The following EIF2A variants were observed in gnomAD, a reference collection of about 807,000 sequenced individuals.
EIF2A encodes the protein 65 kDa eukaryotic translation initiation factor 2A.
EIF2A carries 62 observed loss-of-function variants against 75.2 expected under a neutral mutation model. The observed-to-expected ratio is 0.82, with a 90% CI of 0.67 to 1.02. The LOEUF (loss-of-function observed/expected upper bound fraction) is 1.02. Ranked by LOEUF, EIF2A falls within the 50% of genes least tolerant of loss-of-function variation. The probability of loss-of-function intolerance (pLI) is 0.00; values close to 1 mark genes in which losing one functional copy is unlikely to be tolerated. For missense variants in EIF2A, 611 were observed against 677.7 expected, an observed-to-expected ratio of 0.90 and a Z score of 1.09; for synonymous variants, 207 against 239.0, an observed-to-expected ratio of 0.87 and a Z score of 1.23.
At chr3:150,564,273 A>C in intron 5 of EIF2A, 26 bp from the exon 6 acceptor site, 4 of 1,376,574 alleles carry the variant, frequency 2.9e-6, no homozygotes, top group Non-Finnish European at 4.0e-6. Flanking sequence ...TATTTTTTAT[A>C]CTTTTTTTTT....
At chr3:150,547,073 C>T (rs1009979793) in intron 1 of EIF2A, 40 of 571,262 alleles carry the variant, frequency 7.0e-5, no homozygotes, top group Admixed American at 1.2e-4. Context: ...GATTCATCTT[C>T]TACAGAAATA....
intron 6 of EIF2A, chr3:150,567,279 C>T (rs937767498): frequency 6.4e-6 from 1 of 155,742 alleles, no homozygotes; most frequent in Non-Finnish European, 1.4e-5. Flanking sequence ...CATTAAGTTA[C>T]AGAATTTCCA....
chr3:150,558,315 G>A (rs2107914659), intron 2 of EIF2A, 73 bp from the exon 3 acceptor site: 1 of 1,290,500 alleles, frequency 7.7e-7, no homozygotes, highest in Non-Finnish European at 1.0e-6. Context: ...TGAAATGGTT[G>A]ACTTTATAAT....
chr3:150,572,749 G>A (rs574224207), intron 10 of EIF2A, among the ~76,000 whole-genome samples: 30 of 151,968 alleles, frequency 2.0e-4, no homozygotes, highest in African/African-American at 7.0e-4. Flanking sequence ...CCGGCTACTC[G>A]GGAAGCTGAG....
At chr3:150,575,587 T>C (rs1428223646) in intron 10 of EIF2A, 62 bp from the exon 11 acceptor site, 17 of 1,200,510 alleles carry the variant, frequency 1.4e-5, no homozygotes, top group Non-Finnish European at 2.0e-5. Flanking sequence ...AAGTGTATAA[T>C]TTGTTGTTGT....
intron 2 of EIF2A, among the ~76,000 whole-genome samples, chr3:150,553,774 A>G (rs544960274): frequency 1.3e-5 from 2 of 152,300 alleles, no homozygotes; most frequent in South Asian, 4.1e-4. Context: ...GATAGAGTAA[A>G]TTAATTGTAT....
intron 10 of EIF2A, among the ~76,000 whole-genome samples, chr3:150,574,189 C>T (rs1267206611): frequency 1.3e-5 from 2 of 152,120 alleles, no homozygotes; most frequent in Admixed American, 6.5e-5. Flanking sequence ...TCATCAAAAA[C>T]AGTCCCATAA....
At position 150,570,551 on chromosome 3, in the gene EIF2A, A is replaced by G. The variant is rs541138568; in HGVS notation, c.812-1407A>G. 2.0e-4 allele frequency among the ~76,000 whole-genome samples: 30 copies of G among 151,836 alleles called. No individual in the cohort carries two copies. The East Asian group carries it at 5.4e-3, about 27-fold the overall frequency. On this transcript the variant is annotated intron_variant, in intron 9 of 13. Coordinates refer to ENST00000460851, the MANE Select transcript of EIF2A (RefSeq NM_032025.5). ...GCTGTACTGCAGTCTTGGTGACAAAATGAGACCATCTCTTTAAAAAAAAAA... is the reference window on the plus strand; with the variant it reads ...GCTGTACTGCAGTCTTGGTGACAAAGTGAGACCATCTCTTTAAAAAAAAAA...
chr3:150,562,419 C>CAAAA, intron 3 of EIF2A, 123 bp from the exon 4 acceptor site: 1 of 558,620 alleles, frequency 1.8e-6, no homozygotes, highest in Non-Finnish European at 2.8e-6. Context: ...GACTCCATCT[C>CAAAA]AAAAAAAAAA....
At chr3:150,580,641 CTTA>C (rs1725133877) in intron 11 of EIF2A, among the ~76,000 whole-genome samples, 1 of 151,986 alleles carries the variant, frequency 6.6e-6, no homozygotes, top group Admixed American at 6.6e-5. Flanking sequence ...TTTTTTATTC[CTTA>C]TTAAGAACTT....
intron 2 of EIF2A, among the ~76,000 whole-genome samples, chr3:150,556,819 T>C (rs915013606): frequency 1.4e-4 from 22 of 152,238 alleles, no homozygotes; most frequent in African/African-American, 5.1e-4. Flanking sequence ...AGTAAGTTTA[T>C]AATCATTGCG....
chr3:150,576,904 T>C (rs1439704208), intron 11 of EIF2A, among the ~76,000 whole-genome samples: 2 of 152,226 alleles, frequency 1.3e-5, no homozygotes, highest in Non-Finnish European at 2.9e-5. Flanking sequence ...GTATAGCTCA[T>C]GGTGATAATG....
chr3:150,581,532 G>A (rs1468795624), intron 11 of EIF2A, 86 bp from the exon 12 acceptor site: 1 of 1,443,782 alleles, frequency 6.9e-7, no homozygotes, highest in African/African-American at 1.4e-5. Flanking sequence ...TTTAGTTTCT[G>A]TATTTCATAT....
Position 150,584,057 on chromosome 3 carries a change from A to T in EIF2A, c.*146A>T. 1.5e-6 allele frequency: 1 copy of T among 670,704 alleles called. No individual in the cohort carries two copies. Among genetic ancestry groups the T allele is most frequent in the Non-Finnish European group, 2.4e-6 (1 of 414,306 alleles). 41.5% of individuals were successfully genotyped at this position (670,704 alleles called of 1,614,324 possible). On this transcript the variant is annotated 3_prime_UTR_variant, in exon 14 of 14. Transcript: ENST00000460851. ...TTTATCCAAGATTCTACTAAGTGTA[A>T]AATTATTTAATAATGTCTATTAAAT...
rs144043300 is a variant in EIF2A, at chr3:150,571,361, A to G, written c.812-597A>G. On this transcript the variant is annotated intron_variant, in intron 9 of 13. Transcript: ENST00000460851. ...CATCATGTTGGCCAGGCTGGTCTCAAACTCCTGACCTCAGGTGATCTGCCC... is the reference window on the plus strand; with the variant it reads ...CATCATGTTGGCCAGGCTGGTCTCAGACTCCTGACCTCAGGTGATCTGCCC... 1.3e-3 allele frequency among the ~76,000 whole-genome samples: 194 copies of G among 152,212 alleles called. 2 individuals are homozygous for G. Among genetic ancestry groups the G allele is most frequent in the African/African-American group, 4.4e-3 (182 of 41,558 alleles).
At chr3:150,583,503 T>G (rs1451742940) in intron 13 of EIF2A, among the ~76,000 whole-genome samples, 1 of 152,248 alleles carries the variant, frequency 6.6e-6, no homozygotes, top group African/African-American at 2.4e-5. Context: ...TACTATGTTA[T>G]TACTGCTGAA....
At chr3:150,583,614 T>C (rs1725313318) in intron 13 of EIF2A, among the ~76,000 whole-genome samples, 1 of 152,144 alleles carries the variant, frequency 6.6e-6, no homozygotes, top group Admixed American at 6.6e-5. Context: ...TAAGCCCGAA[T>C]ATAGAATTGA....
At chr3:150,547,440 G>C (rs951367315) in intron 1 of EIF2A, among the ~76,000 whole-genome samples, 39 of 152,164 alleles carry the variant, frequency 2.6e-4, no homozygotes, top group Admixed American at 7.9e-4. Flanking sequence ...TAGAACATTA[G>C]AGGACTCTTG....
chr3:150,570,927 G>A (rs764780435), intron 9 of EIF2A, among the ~76,000 whole-genome samples: 15 of 151,662 alleles, frequency 9.9e-5, no homozygotes, highest in Admixed American at 2.6e-4. Flanking sequence ...TTAGCCCGGC[G>A]TGGTGGCTCA....
Sources: gnomAD v4.1 joint callset for allele counts (sites outside exome capture counted in the v4.1 genomes callset) on GRCh38, gnomAD v4.1.1 for gene constraint, MANE v1.5 for transcripts, NCBI Gene and HGNC (gene_info 2026-07-23, HGNC 2026-07-21) for gene names.